The following ASPM variants were observed in gnomAD, a reference collection of about 807,000 sequenced individuals.
ASPM encodes assembly factor for spindle microtubules.
In ASPM, 256 loss-of-function variants were observed where a neutral mutation model predicts 366.4. The observed-to-expected ratio is 0.70, with a 90% CI of 0.63 to 0.77. ASPM has a LOEUF of 0.77. Ranked by LOEUF, ASPM falls within the 30% of genes least tolerant of loss-of-function variation. The pLI, the probability that ASPM is intolerant of heterozygous loss-of-function variation, is 0.00. For missense variants in ASPM, 4,146 were observed against 4,090.4 expected (o/e 1.01, Z -0.37); for synonymous variants, 1,414 against 1,342.9 (o/e 1.05, Z -1.16).
intron 10 of ASPM, 29 bp from the exon 11 acceptor site, chr1:197,125,220 T>G (rs755310417): frequency 1.9e-6 from 3 of 1,612,754 alleles, no homozygotes; most frequent in Non-Finnish European, 8.5e-7. Context: ...TCAGATGAAA[T>G]TATCATAAAA....
At chr1:197,115,333 T>A (rs56084994) in intron 17 of ASPM, among the ~76,000 whole-genome samples, 3 of 152,076 alleles carry the variant, frequency 2.0e-5, no homozygotes, top group Admixed American at 6.6e-5. Flanking sequence ...CTACCACATC[T>A]GCAGTTACTT....
intron 5 of ASPM, 67 bp from the exon 6 acceptor site, chr1:197,133,662 A>T: frequency 3.9e-6 from 6 of 1,546,998 alleles, no homozygotes; most frequent in Non-Finnish European, 5.3e-6. Flanking sequence ...TAAATCCAGC[A>T]ATAAAATGCA....
At chr1:197,133,788 C>A (rs1020112119) in intron 5 of ASPM, among the ~76,000 whole-genome samples, 193 bp from the exon 6 acceptor site, 4 of 152,188 alleles carry the variant, frequency 2.6e-5, no homozygotes, top group African/African-American at 9.7e-5. Context: ...AGTCTAGCCA[C>A]TTTTCACCGC....
At position 197,103,467 on chromosome 1, in the gene ASPM, C is replaced by G. The variant is rs554548758; in HGVS notation, c.5784G>C (p.Gln1928His). The G allele has an allele frequency of 7.1e-5, 115 of 1,613,296 alleles. 3 individuals carry two copies. The South Asian group carries it at 8.9e-4, about 12-fold the overall frequency. Reference sequence around the variant, plus strand: ...CTGCAGTCCATGCTCTGAAATTTTGCTGGATGACTAATGCTGCTGTTTTAA... The same window carrying G: ...CTGCAGTCCATGCTCTGAAATTTTGGTGGATGACTAATGCTGCTGTTTTAA... Reference protein sequence around the residue: ...RLFKTAALVIQQNFRAWTAGR... With the variant: ...RLFKTAALVIHQNFRAWTAGR... The change falls in exon 18 of 28, where the codon CAG becomes CAC. Residue 1928 changes from glutamine (Q) to histidine (H), a missense_variant. Gln to His is a conservative substitution (Grantham distance 24, BLOSUM62 0). Coordinates refer to ENST00000367409, the MANE Select transcript of ASPM (RefSeq NM_018136.5).
intron 16 of ASPM, among the ~76,000 whole-genome samples, chr1:197,119,415 G>A (rs1477997409): frequency 3.9e-5 from 6 of 152,096 alleles, no homozygotes; most frequent in Admixed American, 6.6e-5. Flanking sequence ...AAAGTTGTAA[G>A]GGTCAGGGCA....
intron 3 of ASPM, 91 bp downstream of exon 3, chr1:197,142,237 TATA>T (rs1658607684): frequency 7.4e-7 from 1 of 1,352,194 alleles, no homozygotes; most frequent in African/African-American, 1.5e-5. Flanking sequence ...AAGTAAAAAC[TATA>T]ATACAAGCTT....
chr1:197,086,065 T>A (rs1414377397), intron 27 of ASPM, among the ~76,000 whole-genome samples: 1 of 152,168 alleles, frequency 6.6e-6, no homozygotes. Flanking sequence ...TACATTATGC[T>A]GTGAAATATG....
intron 7 of ASPM, 61 bp downstream of exon 7, chr1:197,132,224 T>C: frequency 1.6e-6 from 2 of 1,271,236 alleles, no homozygotes; most frequent in South Asian, 1.5e-5. Flanking sequence ...AAAATGAGTC[T>C]ATTCTACAAA....
At position 197,128,343 on chromosome 1, in the gene ASPM, G is replaced by GA. The variant is rs200280533; in HGVS notation, c.2936+146dup. The GA allele has an allele frequency of 0.52, 289,971 of 562,520 alleles. 37,970 individuals carry two copies. The highest frequency in any genetic ancestry group is 0.62 in the Admixed American group (18,467 of 29,616). The allele number at this position is 562,520 out of a possible 1,614,324, so 34.8% of individuals were successfully genotyped here. Reference sequence around the variant, plus strand: ...CATAACATTGATGTACCACTTCCCTGAAAAAAAAAAAAAAACCTCAATTTT... The same window carrying GA: ...CATAACATTGATGTACCACTTCCCTGAAAAAAAAAAAAAAAACCTCAATTTT... On this transcript the variant is annotated intron_variant, in intron 10 of 27. Coordinates refer to ENST00000367409, the MANE Select transcript of ASPM (RefSeq NM_018136.5).
chr1:197,146,043 G>A (rs1187195548), intron 1 of ASPM, 98 bp downstream of exon 1: 5 of 1,487,348 alleles, frequency 3.4e-6, no homozygotes. Flanking sequence ...GGTCTTTTCT[G>A]ATTTCTTCTC....
In ASPM at chr1:197,102,341, G is replaced by A. The variant is rs1179996325; in HGVS notation, c.6910C>T (p.His2304Tyr). ...TGTACCTGAAGGAACTGTAAGTGAT[G>A]CTTTGTACAAAGATGTGCCCGATAT... ...RKYRAHLCTK[H>Y]HLQFLQVQNA... Residue 2304 changes from histidine (H) to tyrosine (Y), a missense_variant, in exon 18 of 28, where the codon CAT (histidine) becomes TAT (tyrosine). His to Tyr is a moderately conservative substitution (Grantham distance 83). Transcript: ENST00000367409. 1.2e-6 allele frequency: 2 copies of A among 1,612,450 alleles called. No homozygotes were observed. Among genetic ancestry groups the A allele is most frequent in the Non-Finnish European group, 1.7e-6 (2 of 1,179,096 alleles).
In ASPM at chr1:197,096,074, G is replaced by A. The variant is rs766084065; in HGVS notation, c.8911C>T (p.His2971Tyr). 1.2e-6 allele frequency: 2 copies of A among 1,608,910 alleles called. No individual in the cohort carries two copies. Among genetic ancestry groups the A allele is most frequent in the Non-Finnish European group, 1.7e-6 (2 of 1,176,024 alleles). The change falls in exon 19 of 28, where the codon CAC becomes TAC. Residue 2971 changes from histidine to tyrosine, a missense_variant. Physicochemically the swap from His to Tyr is moderately conservative, Grantham distance 83. This residue lies in a region of ASPM where 3,624 missense variants were observed against 3,591.7 expected (regional missense o/e 1.01). Coordinates refer to ENST00000367409, the MANE Select transcript of ASPM (RefSeq NM_018136.5). ...TTTAATATAGCTAGATATTCTTTGT[G>A]TGCTCTCCAACATCTATACCAGGCT... ...IQAWYRCWRA[H>Y]KEYLAILKAV... is the part of the protein sequence containing the mutation.
At position 197,094,122 on chromosome 1, in the gene ASPM, G is replaced by T; in HGVS notation, c.9046C>A (p.Pro3016Thr). 1 of 1,606,350 alleles carries T rather than the reference G, an allele frequency of 6.2e-7. No individual in the cohort carries two copies. Among genetic ancestry groups the T allele is most frequent in the Non-Finnish European group, 8.5e-7 (1 of 1,175,220 alleles). ...AAGTGTTCATGAGCTATCTTTGCAG[G>T]AAGTATAGCTCTCCATTTTCTCTGA... ...IIQRKWRAIL[P>T]AKIAHEHFLM... The change falls in exon 20 of 28, where the codon CCT becomes ACT. Residue 3016 changes from proline (P) to threonine (T), a missense_variant. Pro to Thr is a conservative substitution (Grantham distance 38). Transcript: ENST00000367409.
Position 197,143,020 on chromosome 1 carries a change from C to A in ASPM, c.1232G>T (p.Cys411Phe). Residue 411 changes from cysteine to phenylalanine, a missense_variant, in exon 3 of 28, where the codon TGT becomes TTT. Coordinates refer to ENST00000367409, the MANE Select transcript of ASPM (RefSeq NM_018136.5). Reference sequence around the variant, plus strand: ...ATTTTCATTTGATAATGGTACTTTACATGTTTGCTGAGATGTACACATATA... The same window carrying A: ...ATTTTCATTTGATAATGGTACTTTAAATGTTTGCTGAGATGTACACATATA... ...MAYMCTSQQT[C>F]KVPLSNENSQ... is the part of the protein sequence containing the mutation. The A allele has an allele frequency of 6.2e-7, 1 of 1,613,456 alleles. No individual in the cohort carries two copies. Among genetic ancestry groups the A allele is most frequent in the Non-Finnish European group, 8.5e-7 (1 of 1,179,544 alleles).
intron 10 of ASPM, 94 bp downstream of exon 10, chr1:197,128,388 GTACTACTT>G: frequency 1.1e-6 from 1 of 918,188 alleles, no homozygotes; most frequent in South Asian, 1.4e-5. Context: ...TAAATTTATT[GTACTACTT>G]GAAAGAGCAA....
At chr1:197,098,823 T>G (rs964262365) in intron 18 of ASPM, among the ~76,000 whole-genome samples, 1 of 151,626 alleles carries the variant, frequency 6.6e-6, no homozygotes, top group Non-Finnish European at 1.5e-5. Context: ...TATTAGCATA[T>G]GCCCATAATG....
At chr1:197,128,363 A>T in intron 10 of ASPM, 127 bp downstream of exon 10, 2 of 944,702 alleles carry the variant, frequency 2.1e-6, no homozygotes, top group East Asian at 5.4e-5. Context: ...AAAAAACCTC[A>T]ATTTTTTTCA....
chr1:197,088,214 C>A, intron 26 of ASPM, 42 bp downstream of exon 26: 1 of 1,586,484 alleles, frequency 6.3e-7, no homozygotes, highest in Middle Eastern at 1.7e-4. Flanking sequence ...CTTAAGACCA[C>A]AGAAAAATAA....
At chr1:197,120,151 A>G (rs1047446560) in intron 16 of ASPM, among the ~76,000 whole-genome samples, 2 of 152,150 alleles carry the variant, frequency 1.3e-5, no homozygotes, top group Non-Finnish European at 2.9e-5. Flanking sequence ...TAATCCTTCA[A>G]AAAAATGGAA....
Sources: allele counts gnomAD v4.1 joint callset (sites outside exome capture counted in the v4.1 genomes callset), GRCh38; gene constraint gnomAD v4.1.1; regional missense constraint gnomAD v4.1.1; transcripts MANE v1.5; gene names NCBI Gene and HGNC (gene_info 2026-07-23, HGNC 2026-07-21).